Variants in OXNAD1 observed in about 807,000 individuals in gnomAD.
OXNAD1 encodes oxidoreductase NAD-binding domain-containing protein 1.
A neutral mutation model predicts 32.9 loss-of-function variants in OXNAD1; 34 were observed. The ratio of observed to expected loss-of-function variants is 1.03; its 90% CI spans 0.79 to 1.38. The LOEUF (loss-of-function observed/expected upper bound fraction) is 1.38. Among genes scored for constraint, OXNAD1 ranks in the 40% most tolerant of loss-of-function variants. OXNAD1 has a pLI of 0.00. For synonymous variants in OXNAD1, 134 were observed against 135.2 expected (o/e 0.99, Z 0.06); for missense variants, 407 against 379.4 (o/e 1.07, Z -0.60).
chr3:16,342,479 G>A lies in OXNAD1; in HGVS notation c.*31-6697G>A, dbSNP rs1207989381. 1.3e-5 allele frequency among the ~76,000 whole-genome samples: 2 copies of A among 152,112 alleles called. No homozygotes were observed. Among genetic ancestry groups the A allele is most frequent in the Non-Finnish European group, 2.9e-5 (2 of 68,032 alleles). The stretch of plus-strand genomic sequence containing the variant: ...CTACTTTTTGGACATTACAAATAAA[G>A]CTGCCATCAACATTAATGTACATAG... On this transcript the variant is annotated intron_variant, in intron 9 of 9. Coordinates refer to the OXNAD1 transcript ENST00000606098. This position sits in a 1 kb window ranked among gnomAD's most constrained non-coding sequence, Gnocchi z 4.0.
rs60111803 is a variant in OXNAD1 at position 16,284,394 on chromosome 3, TAAAC to T, written c.184-1943_184-1940del. Reference sequence around the variant, plus strand: ...TCATTGTGCAGACATAGAGTGTACTTAAACAAACCTGGAGGGGATAGCCTACTAC... The same window carrying T: ...TCATTGTGCAGACATAGAGTGTACTTAAACCTGGAGGGGATAGCCTACTAC... On this transcript the variant is annotated intron_variant, in intron 4 of 8. Coordinates refer to ENST00000285083, the MANE Select transcript of OXNAD1 (RefSeq NM_138381.5). This position sits in a 1 kb window ranked among gnomAD's most constrained non-coding sequence, Gnocchi z 4.1. 0.24 allele frequency among the ~76,000 whole-genome samples: 35,958 copies of T among 151,990 alleles called. 5,897 individuals are homozygous for T. The highest frequency in any genetic ancestry group is 0.48 in the African/African-American group (19,682 of 41,342).
Position 16,265,924 on chromosome 3 carries a change from C to T in OXNAD1, c.-159+419C>T. On this transcript the variant is annotated intron_variant, in intron 1 of 8. Coordinates refer to ENST00000285083, the MANE Select transcript of OXNAD1 (RefSeq NM_138381.5). The surrounding 1 kb of genome is among the most constrained non-coding windows in gnomAD (Gnocchi z 4.8). ...GTAGGCAGGTTTATCAGTGTGAGGC[C>T]TATGTATGCCTTGAAGCGAAATGCA... 1.0e-6 allele frequency: 1 copy of T among 982,408 alleles called. No homozygotes were observed. The highest frequency in any genetic ancestry group is 1.7e-5 in the African/African-American group (1 of 57,256). 60.9% of individuals were successfully genotyped at this position (982,408 alleles called of 1,614,324 possible).
In OXNAD1 at chr3:16,327,257, C is replaced by T. The variant is rs1200194892; in HGVS notation, c.*31-9855C>T. 1.3e-5 allele frequency among the ~76,000 whole-genome samples: 2 copies of T among 152,160 alleles called. No individual in the cohort carries two copies. Among genetic ancestry groups the T allele is most frequent in the Non-Finnish European group, 1.5e-5 (1 of 68,034 alleles). On this transcript the variant is annotated intron_variant, in intron 9 of 9. Coordinates refer to the OXNAD1 transcript ENST00000435829. This position sits in a 1 kb window ranked among gnomAD's most constrained non-coding sequence, Gnocchi z 4.2. The stretch of plus-strand genomic sequence containing the variant: ...CGTGCTGCTCTGAATGAGTTCAGAG[C>T]GTGTTGTGGGGAGTTAACTTACATT...
At chr3:16,272,086 G>T in intron 4 of OXNAD1, 2 of 444,172 alleles carry the variant, frequency 4.5e-6, no homozygotes, top group Non-Finnish European at 8.5e-6. Context: ...TTTTTGTGTG[G>T]GGTCTTTTTT....
chr3:16,307,432 G>C (rs2067639152), downstream of OXNAD1, among the ~76,000 whole-genome samples: 1 of 152,132 alleles, frequency 6.6e-6, no homozygotes, highest in Admixed American at 6.5e-5. Context: ...CATAGAGGAT[G>C]GATTGGCTAG....
At chr3:16,331,310 A>G (rs1292191424) in intron 9 of OXNAD1, among the ~76,000 whole-genome samples, 3 of 152,220 alleles carry the variant, frequency 2.0e-5, no homozygotes, top group East Asian at 3.8e-4. Flanking sequence ...TAGGTATCCT[A>G]ATTTTCTACC....
Position 16,289,707 on chromosome 3 carries a change from A to G in OXNAD1, c.290+3259A>G, listed in dbSNP as rs546340984. On this transcript the variant is annotated intron_variant, in intron 5 of 8. Transcript: ENST00000285083. This position sits in a 1 kb window ranked among gnomAD's most constrained non-coding sequence, Gnocchi z 4.9. ...TCTTTTTCAAACTGTGTCCTCCCCC[A>G]TTACTCATCTGGTAAGCATTGTGTG... is the stretch of plus-strand genomic sequence containing the variant. Among the ~76,000 whole-genome samples, 18 of 152,240 alleles carry G rather than the reference A, an allele frequency of 1.2e-4. No homozygotes were observed. Among genetic ancestry groups the G allele is most frequent in the African/African-American group, 4.1e-4 (17 of 41,530 alleles).
rs772663524 is a variant in OXNAD1, at chr3:16,334,407, C to T, written c.*31-2705C>T. ...TCCCTTTGACCCAACAATCTCACTT[C>T]TGGGAATTTAACCTACGTATTAAAA... is the stretch of plus-strand genomic sequence containing the variant. On this transcript the variant is annotated intron_variant, in intron 9 of 9. Coordinates refer to the OXNAD1 transcript ENST00000435829. This position sits in a 1 kb window ranked among gnomAD's most constrained non-coding sequence, Gnocchi z 4.3. Among the ~76,000 whole-genome samples, 3 of 152,184 alleles carry T rather than the reference C, an allele frequency of 2.0e-5. No individual in the cohort carries two copies. The highest frequency in any genetic ancestry group is 4.4e-5 in the Non-Finnish European group (3 of 68,040).
chr3:16,325,211 G>A (rs1189507971), intron 9 of OXNAD1, among the ~76,000 whole-genome samples: 10 of 152,264 alleles, frequency 6.6e-5, no homozygotes, highest in African/African-American at 1.7e-4. Flanking sequence ...AATGCTCCAC[G>A]GAATCCAACT....
In OXNAD1 at chr3:16,303,599, T is replaced by C; in HGVS notation, c.*37T>C. On this transcript the variant is annotated 3_prime_UTR_variant, in exon 9 of 9. Transcript: ENST00000285083. This position sits in a 1 kb window ranked among gnomAD's most constrained non-coding sequence, Gnocchi z 4.8. ...AGGCAGAAAAAATAAAGAGGTGAGA[T>C]CTACTCAGGAGAGCTCCTGTCCTTT... 1 of 1,598,188 alleles carries C rather than the reference T, an allele frequency of 6.3e-7. No individual in the cohort carries two copies. Among genetic ancestry groups the C allele is most frequent in the Non-Finnish European group, 8.6e-7 (1 of 1,168,128 alleles).
chr3:16,342,128 C>T (rs1356484196), downstream of OXNAD1, among the ~76,000 whole-genome samples: 1 of 152,150 alleles, frequency 6.6e-6, no homozygotes, highest in Non-Finnish European at 1.5e-5. This position sits in a 1 kb window ranked among gnomAD's most constrained non-coding sequence, Gnocchi z 4.0. Context: ...ACAACCATCA[C>T]CACAATCTAA....
chr3:16,293,350 G>A (rs1449759461), intron 5 of OXNAD1, among the ~76,000 whole-genome samples: 10 of 152,148 alleles, frequency 6.6e-5, no homozygotes. Context: ...TAGAGATACA[G>A]TTGATTTTTG....
Position 16,271,169 on chromosome 3 carries a change from A to G in OXNAD1, c.119+98A>G. The stretch of plus-strand genomic sequence containing the variant: ...GGCATATCAAACTCCCGGAAAGGTA[A>G]CACCTTAGCTTCAATGTGCATGCTG... On this transcript the variant is annotated intron_variant, in intron 3 of 8. Coordinates refer to ENST00000285083, the MANE Select transcript of OXNAD1 (RefSeq NM_138381.5). The surrounding 1 kb of genome is among the most constrained non-coding windows in gnomAD (Gnocchi z 4.6). The G allele has an allele frequency of 1.4e-6, 2 of 1,392,090 alleles. No homozygotes were observed. Among genetic ancestry groups the G allele is most frequent in the Non-Finnish European group, 2.0e-6 (2 of 1,012,730 alleles). The allele number at this position is 1,392,090 out of a possible 1,614,324, so 86.2% of individuals were successfully genotyped here.
intron 4 of OXNAD1, among the ~76,000 whole-genome samples, chr3:16,282,037 ATT>A (rs779324288): frequency 0.13 from 12,438 of 95,008 alleles, 262 homozygotes; most frequent in African/African-American, 0.18. Context: ...AATGTTTGTA[ATT>A]TTTTTTTTTT....
At position 16,271,573 on chromosome 3, in the gene OXNAD1, G is replaced by A. The variant is rs989982975; in HGVS notation, c.120-86G>A. 9.0e-6 allele frequency: 10 copies of A among 1,111,868 alleles called. No homozygotes were observed. In the African/African-American group the frequency reaches 1.6e-4, roughly 18 times the overall value. 68.9% of individuals were successfully genotyped at this position (1,111,868 alleles called of 1,614,324 possible). On this transcript the variant is annotated intron_variant, in intron 3 of 8. Coordinates refer to ENST00000285083, the MANE Select transcript of OXNAD1 (RefSeq NM_138381.5). The surrounding 1 kb of genome is among the most constrained non-coding windows in gnomAD (Gnocchi z 4.6). ...GATCTGTAATGTTACACTGTATTTA[G>A]GATAACCATGATATTTCAGGAAAAA...
Position 16,277,678 on chromosome 3 carries a change from C to T in OXNAD1, c.183+5956C>T, listed in dbSNP as rs180908081. Among the ~76,000 whole-genome samples, 5 of 152,176 alleles carry T rather than the reference C, an allele frequency of 3.3e-5. No individual in the cohort carries two copies. In the East Asian group the frequency reaches 9.7e-4, roughly 29 times the overall value. The stretch of plus-strand genomic sequence containing the variant: ...AGGACTGTGTTGCTACTCTTGGAGT[C>T]GACAGGAAATGGAATACTCACCCAG... On this transcript the variant is annotated intron_variant, in intron 4 of 8. Transcript: ENST00000285083. This position sits in a 1 kb window ranked among gnomAD's most constrained non-coding sequence, Gnocchi z 4.3.
chr3:16,345,813 TGTGTGCGCGC>T lies in OXNAD1; in HGVS notation c.*31-3361_*31-3352del, dbSNP rs1156459885. Among the ~76,000 whole-genome samples the T allele has an allele frequency of 1.2e-5, 1 of 84,690 alleles. No homozygotes were observed. The highest frequency in any genetic ancestry group is 2.2e-5 in the Non-Finnish European group (1 of 44,662). The allele number at this position is 84,690 out of a possible 152,430, so 55.6% of individuals were successfully genotyped here. ...CTGTGTGTGTGTGTGTGTGTGTGTG[TGTGTGCGCGC>T]GCGCGTGCGCGCACGCGCACATGTG... is the stretch of plus-strand genomic sequence containing the variant. On this transcript the variant is annotated intron_variant, in intron 9 of 9. Transcript: ENST00000606098. The surrounding 1 kb of genome is among the most constrained non-coding windows in gnomAD (Gnocchi z 5.2).
At chr3:16,328,639 A>G (rs2069976148) in intron 9 of OXNAD1, among the ~76,000 whole-genome samples, 2 of 152,216 alleles carry the variant, frequency 1.3e-5, no homozygotes, top group South Asian at 2.1e-4. Context: ...CAGCATCAGC[A>G]TCACCTGGCA....
chr3:16,323,594 T>TGG, intron 9 of OXNAD1: 1 of 596,212 alleles, frequency 1.7e-6, no homozygotes, highest in Non-Finnish European at 2.9e-6. Flanking sequence ...ACGCCTGCTC[T>TGG]ACTCTTCCGC....
Sources: gnomAD v4.1 joint callset for allele counts (sites outside exome capture counted in the v4.1 genomes callset) on GRCh38, gnomAD v4.1.1 for gene constraint, Gnocchi (gnomAD v3.1) non-coding constraint, MANE v1.5 for transcripts, NCBI Gene and HGNC (gene_info 2026-07-23, HGNC 2026-07-21) for gene names.